The following NELL1 variants were observed in gnomAD, a reference collection of about 807,000 sequenced individuals.
The protein encoded by NELL1 is protein kinase C-binding protein NELL1.
A neutral mutation model predicts 107.4 loss-of-function variants in NELL1; 76 were observed. The observed-to-expected ratio is 0.71, with a 90% CI of 0.59 to 0.86. The LOEUF (loss-of-function observed/expected upper bound fraction) is 0.86. Ranked by LOEUF, NELL1 falls within the 40% of genes least tolerant of loss-of-function variation. The pLI, the probability that NELL1 is intolerant of heterozygous loss-of-function variation, is 0.00. For synonymous variants in NELL1, 353 were observed against 341.2 expected, an observed-to-expected ratio of 1.03 and a Z score of -0.38; for missense variants, 1,024 against 1,005.5, an observed-to-expected ratio of 1.02 and a Z score of -0.25.
At chr11:20,719,384 A>G (rs1401787) in intron 2 of NELL1, among the ~76,000 whole-genome samples, 21,304 of 151,930 alleles carry the variant, frequency 0.14, 3,404 homozygotes, top group African/African-American at 0.4. Flanking sequence ...ATTCATTGTC[A>G]GAACAAGGCC....
At chr11:21,128,755 G>A (rs1456363969) in intron 13 of NELL1, among the ~76,000 whole-genome samples, 2 of 152,082 alleles carry the variant, frequency 1.3e-5, no homozygotes, top group African/African-American at 4.8e-5. Context: ...GTTACATCAC[G>A]GCCACCCAGG....
At chr11:20,778,896 G>A (rs776160310) in intron 2 of NELL1, among the ~76,000 whole-genome samples, 18 of 152,144 alleles carry the variant, frequency 1.2e-4, no homozygotes, top group Non-Finnish European at 2.9e-5. Context: ...TTGAGTGTGA[G>A]CAGTGGGAAG....
At chr11:21,358,706 C>T (rs1030924167) in intron 14 of NELL1, among the ~76,000 whole-genome samples, 5 of 148,736 alleles carry the variant, frequency 3.4e-5, no homozygotes, top group Admixed American at 1.4e-4. Flanking sequence ...CGTGACCCAC[C>T]GTGCCCGGCC....
chr11:21,415,016 C>T (rs969252588), intron 15 of NELL1, among the ~76,000 whole-genome samples: 6 of 152,032 alleles, frequency 3.9e-5, no homozygotes, highest in Admixed American at 2.0e-4. Flanking sequence ...TAAAGAGCCA[C>T]GATAATCCCT....
At chr11:20,976,628 A>G (rs747405629) in intron 12 of NELL1, among the ~76,000 whole-genome samples, 1 of 152,204 alleles carries the variant, frequency 6.6e-6, no homozygotes, top group Non-Finnish European at 1.5e-5. Flanking sequence ...CTCACTGCAA[A>G]CTGTGTTTAA....
intron 4 of NELL1, among the ~76,000 whole-genome samples, chr11:20,878,448 C>G (rs1849348766): frequency 6.7e-6 from 1 of 149,262 alleles, no homozygotes; most frequent in African/African-American, 2.4e-5. Flanking sequence ...ATACATCTCT[C>G]TGATTTCTCT....
At chr11:20,938,940 C>CTCTCTCTCTCTCTCTCTG (rs1216133538) in intron 10 of NELL1, among the ~76,000 whole-genome samples, 1 of 57,296 alleles carries the variant, frequency 1.7e-5, no homozygotes, top group African/African-American at 4.4e-5. Context: ...CTCTCTCTCT[C>CTCTCTCTCTCTCTCTCTG]TGTGTGTGTG....
intron 2 of NELL1, among the ~76,000 whole-genome samples, chr11:20,699,869 G>A (rs979025756): frequency 2.0e-4 from 31 of 152,128 alleles, no homozygotes; most frequent in African/African-American, 7.0e-4. Flanking sequence ...GTTTTCCATA[G>A]TGGTTGTACT....
intron 2 of NELL1, among the ~76,000 whole-genome samples, chr11:20,735,678 G>T (rs11025736): frequency 0.12 from 18,168 of 152,114 alleles, 1,164 homozygotes; most frequent in Non-Finnish European, 0.15. Flanking sequence ...TGGCCAGCAT[G>T]AAACCTTGTT....
At chr11:20,706,007 C>G (rs1017843663) in intron 2 of NELL1, among the ~76,000 whole-genome samples, 4 of 152,254 alleles carry the variant, frequency 2.6e-5, no homozygotes, top group Admixed American at 2.6e-4. Flanking sequence ...ATTAAAAAGT[C>G]AAGAAACAAC....
rs531493251 is a variant in NELL1, at chr11:21,231,349, C to T, written c.1549+1895C>T. 5.7e-4 allele frequency among the ~76,000 whole-genome samples: 86 copies of T among 152,172 alleles called. 2 individuals are homozygous for T. The highest frequency in any genetic ancestry group is 2.0e-3 in the African/African-American group (85 of 41,522). On this transcript the variant is annotated intron_variant, in intron 14 of 19. Transcript: ENST00000357134. ...ATTGCTATGAACTCCATGTTATTTG[C>T]ACTTCTTCCAGTGGTCTTTTATATG...
At chr11:20,951,210 A>G (rs981611900) in intron 11 of NELL1, among the ~76,000 whole-genome samples, 4 of 152,158 alleles carry the variant, frequency 2.6e-5, no homozygotes, top group African/African-American at 9.6e-5. Flanking sequence ...TAGGCTTTAT[A>G]TATTTTACAT....
intron 3 of NELL1, among the ~76,000 whole-genome samples, chr11:20,806,060 T>C (rs1235364573): frequency 6.6e-6 from 1 of 152,294 alleles, no homozygotes; most frequent in East Asian, 1.9e-4. Flanking sequence ...CCTGTGTTTT[T>C]TTGTGTACTT....
intron 15 of NELL1, among the ~76,000 whole-genome samples, chr11:21,507,815 T>C (rs566858355): frequency 1.3e-5 from 2 of 151,170 alleles, no homozygotes; most frequent in Admixed American, 1.3e-4. Flanking sequence ...GGAGTCTCAC[T>C]CTGTCACCAG....
At chr11:21,441,272 A>G (rs186134558) in intron 15 of NELL1, among the ~76,000 whole-genome samples, 1 of 150,878 alleles carries the variant, frequency 6.6e-6, no homozygotes, top group Non-Finnish European at 1.5e-5. Context: ...ATTTCTATTT[A>G]TAATATTTTT....
intron 12 of NELL1, among the ~76,000 whole-genome samples, chr11:21,106,303 C>G (rs1854967997): frequency 6.6e-6 from 1 of 152,064 alleles, no homozygotes; most frequent in African/African-American, 2.4e-5. Flanking sequence ...TTCTATGCCT[C>G]TATTTCCTCA....
At chr11:21,334,894 G>GA (rs575434395) in intron 14 of NELL1, among the ~76,000 whole-genome samples, 4 of 151,770 alleles carry the variant, frequency 2.6e-5, no homozygotes, top group Admixed American at 6.6e-5. Flanking sequence ...AAGAGGAAGA[G>GA]AAAAAAACAG....
chr11:20,684,800 G>A (rs1444656541), intron 2 of NELL1, among the ~76,000 whole-genome samples: 1 of 152,046 alleles, frequency 6.6e-6, no homozygotes, highest in African/African-American at 2.4e-5. Context: ...CTAGTAGTTA[G>A]GGTAGAACTA....
chr11:21,123,822 G>A (rs1233148951), intron 13 of NELL1, among the ~76,000 whole-genome samples: 1 of 151,962 alleles, frequency 6.6e-6, no homozygotes, highest in Non-Finnish European at 1.5e-5. Context: ...ATGGAAATTC[G>A]ATTAAATAAA....
Sources: gnomAD v4.1 joint callset for allele counts (sites outside exome capture counted in the v4.1 genomes callset) on GRCh38, gnomAD v4.1.1 for gene constraint, MANE v1.5 for transcripts, NCBI Gene and HGNC (gene_info 2026-07-23, HGNC 2026-07-21) for gene names.